Variants in TTC7B observed in about 807,000 individuals in gnomAD.
TTC7B encodes the protein tetratricopeptide repeat protein 7B.
Under a neutral mutation model 106.8 loss-of-function variants are expected in TTC7B, and 28 were observed. The ratio of observed to expected loss-of-function variants is 0.26; its 90% confidence interval spans 0.19 to 0.36. The LOEUF (loss-of-function observed/expected upper bound fraction) is 0.36. Ranked by LOEUF, TTC7B falls within the 10% of genes least tolerant of loss-of-function variation. The pLI is 1.00. For missense variants in TTC7B, 862 were observed against 1,076.4 expected (o/e 0.80, Z 2.79); for synonymous variants, 405 against 430.6 (o/e 0.94, Z 0.74).
chr14:90,605,707 A>G (rs768900206), intron 17 of TTC7B: 115 of 1,288,126 alleles, frequency 8.9e-5, no homozygotes, highest in Non-Finnish European at 1.1e-4. Flanking sequence ...AAACAGGTGG[A>G]GAGGAGATTC....
chr14:90,783,430 A>G (rs759960195), intron 2 of TTC7B, among the ~76,000 whole-genome samples: 18 of 152,244 alleles, frequency 1.2e-4, no homozygotes, highest in Admixed American at 2.0e-4. Context: ...GGAGAAAAAA[A>G]TTCTCTAGGT....
At chr14:90,569,086 A>C (rs1367413056) in intron 19 of TTC7B, among the ~76,000 whole-genome samples, 1 of 152,168 alleles carries the variant, frequency 6.6e-6, no homozygotes, top group East Asian at 1.9e-4. Flanking sequence ...TATCACCTGC[A>C]GCCTCAAAGA....
At chr14:90,562,941 C>T (rs967608197) in intron 19 of TTC7B, among the ~76,000 whole-genome samples, 10 of 152,166 alleles carry the variant, frequency 6.6e-5, no homozygotes, top group African/African-American at 1.7e-4. Flanking sequence ...AGCACAGACC[C>T]GCACCTCCCT....
chr14:90,806,127 C>G (rs562210061), intron 1 of TTC7B, among the ~76,000 whole-genome samples: 19 of 152,360 alleles, frequency 1.2e-4, no homozygotes, highest in African/African-American at 4.6e-4. Flanking sequence ...GGTTGGGATA[C>G]AGCAATGAAC....
At chr14:90,569,200 G>T (rs910935832) in intron 19 of TTC7B, among the ~76,000 whole-genome samples, 5 of 152,208 alleles carry the variant, frequency 3.3e-5, no homozygotes, top group Admixed American at 1.3e-4. Flanking sequence ...CCATGAAAAG[G>T]CCTCGGTGCT....
intron 17 of TTC7B, chr14:90,593,834 C>G (rs1892086007): frequency 2.2e-6 from 1 of 450,000 alleles, no homozygotes; most frequent in African/African-American, 2.0e-5. Flanking sequence ...TGTCAACAAA[C>G]AGAGCACATG....
intron 3 of TTC7B, among the ~76,000 whole-genome samples, chr14:90,749,633 G>A (rs1384936767): frequency 1.3e-5 from 2 of 152,046 alleles, no homozygotes; most frequent in African/African-American, 4.8e-5. Context: ...TCGAACTCCT[G>A]ACCTCAGGCA....
intron 19 of TTC7B, among the ~76,000 whole-genome samples, chr14:90,552,872 G>T (rs61986996): frequency 2.6e-5 from 4 of 152,116 alleles, no homozygotes. Flanking sequence ...GAACCGAAAC[G>T]GGGTGGCTGC....
At chr14:90,764,778 TAGG>T (rs1890618268) in intron 3 of TTC7B, among the ~76,000 whole-genome samples, 1 of 152,156 alleles carries the variant, frequency 6.6e-6, no homozygotes, top group Non-Finnish European at 1.5e-5. Context: ...TCATACACTC[TAGG>T]ATGGCTATAA....
chr14:90,785,623 C>T (rs1258957346), intron 2 of TTC7B, among the ~76,000 whole-genome samples: 1 of 152,074 alleles, frequency 6.6e-6, no homozygotes, highest in Non-Finnish European at 1.5e-5. Flanking sequence ...GTAATGAGAC[C>T]GGAAAACAGA....
chr14:90,816,383 G>C lies in TTC7B; in HGVS notation c.-88C>G, dbSNP rs1318502948. ...CTCGCCGCCTCCCGCCGCCGCCGCG[G>C]GCTCGGGCTCCGGCTCCCGGCTCCG... On this transcript the variant is annotated 5_prime_UTR_variant, in exon 1 of 20. Transcript: ENST00000328459. The C allele has an allele frequency of 1.5e-5, 11 of 748,872 alleles. No individual in the cohort carries two copies. The highest frequency in any genetic ancestry group is 1.8e-5 in the Non-Finnish European group (11 of 617,460). The allele number at this position is 748,872 out of a possible 1,614,324, so 46.4% of individuals were successfully genotyped here.
chr14:90,562,031 T>G (rs1360025516), intron 19 of TTC7B, among the ~76,000 whole-genome samples: 1 of 152,158 alleles, frequency 6.6e-6, no homozygotes, highest in Non-Finnish European at 1.5e-5. Flanking sequence ...GGAATTTATA[T>G]CTCAGGCAGT....
chr14:90,729,234 A>G (rs1268580086), intron 5 of TTC7B, among the ~76,000 whole-genome samples: 1 of 152,206 alleles, frequency 6.6e-6, no homozygotes, highest in East Asian at 1.9e-4. Flanking sequence ...TGAAATCCCA[A>G]TTTCAAGAGC....
At chr14:90,789,103 T>A (rs916506627) in intron 1 of TTC7B, among the ~76,000 whole-genome samples, 1 of 152,194 alleles carries the variant, frequency 6.6e-6, no homozygotes, top group Non-Finnish European at 1.5e-5. Flanking sequence ...AAATTTTGTT[T>A]TGTTTTGTTT....
At chr14:90,639,382 T>C (rs994831280) in intron 15 of TTC7B, among the ~76,000 whole-genome samples, 3 of 152,080 alleles carry the variant, frequency 2.0e-5, no homozygotes. Context: ...AAAGAAGGAA[T>C]TTCACATACA....
chr14:90,593,162 A>G (rs933645082), intron 18 of TTC7B, among the ~76,000 whole-genome samples: 2 of 152,214 alleles, frequency 1.3e-5, no homozygotes, highest in African/African-American at 4.8e-5. Flanking sequence ...TCACTCACAA[A>G]GACAGTCTCT....
intron 15 of TTC7B, among the ~76,000 whole-genome samples, chr14:90,630,841 T>G (rs371085743): frequency 0.019 from 2,809 of 151,340 alleles, 99 homozygotes; most frequent in African/African-American, 0.064. Context: ...GTTTTTTGTT[T>G]TTTTTTTTTT....
rs563376801 is a variant in TTC7B, at chr14:90,766,966, G to A, written c.445+13772C>T. On this transcript the variant is annotated intron_variant, in intron 3 of 19. Transcript: ENST00000328459. Reference sequence around the variant, plus strand: ...GACCACTGGCCGCCATGGCCGCACTGTGGGTGTGTCCAAGAAGAAATAAGT... The same window carrying A: ...GACCACTGGCCGCCATGGCCGCACTATGGGTGTGTCCAAGAAGAAATAAGT... 9.1e-6 allele frequency: 13 copies of A among 1,424,096 alleles called. No homozygotes were observed. In the East Asian group the frequency reaches 2.8e-4, roughly 30 times the overall value. The allele number at this position is 1,424,096 out of a possible 1,614,324, so 88.2% of individuals were successfully genotyped here.
At chr14:90,694,568 C>A (rs2139944324) in intron 6 of TTC7B, among the ~76,000 whole-genome samples, 2 of 119,690 alleles carry the variant, frequency 1.7e-5, no homozygotes, top group Middle Eastern at 9.0e-3. Context: ...AGCCCAGTGA[C>A]ATATATGTAT....
Sources: allele counts gnomAD v4.1 joint callset (sites outside exome capture counted in the v4.1 genomes callset), GRCh38; gene constraint gnomAD v4.1.1; transcripts MANE v1.5; gene names NCBI Gene and HGNC (gene_info 2026-07-23, HGNC 2026-07-21).